PDK2: variants seen among roughly 807,000 people sequenced by gnomAD.
PDK2 encodes pyruvate dehydrogenase kinase, isozyme 2.
PDK2 carries 34 observed loss-of-function variants against 50.4 expected under a neutral mutation model. The observed-to-expected ratio is 0.68, with a 90% CI of 0.51 to 0.90. PDK2 has a LOEUF of 0.90. PDK2 is among the 40% of genes least tolerant of loss of function. PDK2 has a pLI of 0.00. For missense variants in PDK2, 377 were observed against 544.5 expected (o/e 0.69, Z 3.06); for synonymous variants, 232 against 216.0 (o/e 1.07, Z -0.65).
intron 2 of PDK2, among the ~76,000 whole-genome samples, chr17:50,104,028 C>A (rs1395457165): frequency 6.6e-6 from 1 of 152,180 alleles, no homozygotes; most frequent in Non-Finnish European, 1.5e-5. Context: ...CACTGCAGGG[C>A]TCTAGGTAGC....
chr17:50,110,286 A>AC lies in PDK2; in HGVS notation c.*193dup. On this transcript the variant is annotated 3_prime_UTR_variant, in exon 11 of 11. Transcript: ENST00000503176. ...TAAGTGCCAGTCCATCTCTGTGGAG[A>AC]CCCCTCGGTGGCCTCCCTATCTCTG... is the stretch of plus-strand genomic sequence containing the variant. The AC allele has an allele frequency of 4.0e-6, 2 of 505,250 alleles. No homozygotes were observed. Among genetic ancestry groups the AC allele is most frequent in the Non-Finnish European group, 6.4e-6 (2 of 313,568 alleles). The allele number at this position is 505,250 out of a possible 1,614,324, so 31.3% of individuals were successfully genotyped here.
chr17:50,106,786 G>T lies in PDK2; in HGVS notation c.518-8G>T. The T allele has an allele frequency of 6.2e-7, 1 of 1,613,434 alleles. No individual in the cohort carries two copies. The highest frequency in any genetic ancestry group is 8.5e-7 in the Non-Finnish European group (1 of 1,179,402). The stretch of plus-strand genomic sequence containing the variant: ...CCAGCCAACAGCATCCTCCCTTCCT[G>T]CCTGCAGCCCTCATCTTTGATGGCA... On this transcript the variant is annotated splice_polypyrimidine_tract_variant and splice_region_variant and intron_variant, in intron 4 of 10. Transcript: ENST00000503176.
chr17:50,109,896 G>A lies in PDK2; in HGVS notation c.1084-61G>A. 1 of 1,414,402 alleles carries A rather than the reference G, an allele frequency of 7.1e-7. No individual in the cohort carries two copies. The highest frequency in any genetic ancestry group is 2.7e-5 in the Admixed American group (1 of 37,600). The allele number at this position is 1,414,402 out of a possible 1,614,324, so 87.6% of individuals were successfully genotyped here. A position where few individuals can be genotyped will look rare whatever the true frequency, so the allele number is the denominator to read the frequency against. On this transcript the variant is annotated intron_variant, in intron 10 of 10. Coordinates refer to ENST00000503176, the MANE Select transcript of PDK2 (RefSeq NM_002611.5). The surrounding 1 kb of genome is among the most constrained non-coding windows in gnomAD (Gnocchi z 5.0). ...GCTGCCGCTGAGCTGGGGTGGGGTG[G>A]TCTGCTGAGGAGTGGACAAGGCACA...
At position 50,110,219 on chromosome 17, in the gene PDK2, T is replaced by A; in HGVS notation, c.*122T>A. On this transcript the variant is annotated 3_prime_UTR_variant, in exon 11 of 11. Transcript: ENST00000503176. ...GGTTCTCCCTGATGACCAGGTTCTG[T>A]CTCTATGGAAGTCACTGCGGTGATA... The A allele has an allele frequency of 8.9e-7, 1 of 1,125,166 alleles. No homozygotes were observed. Among genetic ancestry groups the A allele is most frequent in the Non-Finnish European group, 1.2e-6 (1 of 812,538 alleles). 69.7% of individuals were successfully genotyped at this position (1,125,166 alleles called of 1,614,324 possible). A position where few individuals can be genotyped will look rare whatever the true frequency, so the allele number is the denominator to read the frequency against.
chr17:50,096,520 A>C (rs547275083), intron 1 of PDK2, among the ~76,000 whole-genome samples: 17 of 152,062 alleles, frequency 1.1e-4, no homozygotes, highest in Non-Finnish European at 2.4e-4. Flanking sequence ...GTGGCAGCCG[A>C]GACATAAGGC....
intron 4 of PDK2, chr17:50,106,372 T>A: frequency 1.7e-6 from 1 of 575,962 alleles, no homozygotes; most frequent in Non-Finnish European, 2.7e-6. Context: ...TCAAAAACAA[T>A]TTGTTGTTTA....
At chr17:50,098,784 C>T (rs1431802280) in intron 2 of PDK2, 1 of 152,150 alleles carries the variant, frequency 6.6e-6, no homozygotes, top group Non-Finnish European at 1.5e-5. Context: ...GTAGTGGGTG[C>T]ACCATGAATG....
intron 2 of PDK2, chr17:50,097,838 C>T: frequency 2.7e-6 from 1 of 368,380 alleles, no homozygotes; most frequent in East Asian, 4.6e-5. Context: ...GCATGGTTTT[C>T]ACAGCCAAAA....
rs942675859 is a variant in PDK2 at position 50,095,828 on chromosome 17, T to G, written c.118+275T>G. The G allele has an allele frequency of 9.3e-6, 11 of 1,182,810 alleles. No homozygotes were observed. The Admixed American group carries it at 4.1e-4, about 44-fold the overall frequency. 73.3% of individuals were successfully genotyped at this position (1,182,810 alleles called of 1,614,324 possible). A position where few individuals can be genotyped will look rare whatever the true frequency, so the allele number is the denominator to read the frequency against. On this transcript the variant is annotated intron_variant, in intron 1 of 10. Transcript: ENST00000503176. ...CTTGAAGAGTAAGGGGCAGTGAAGC[T>G]GTGATGTTACTGCAGGAAGGGAGTA...
At chr17:50,099,115 G>A (rs1910091448) in intron 2 of PDK2, among the ~76,000 whole-genome samples, 1 of 152,056 alleles carries the variant, frequency 6.6e-6, no homozygotes, top group Non-Finnish European at 1.5e-5. Flanking sequence ...CAGGACCTCT[G>A]AGCCAACCAA....
Position 50,105,847 on chromosome 17 carries a change from TG to T in PDK2, c.333-33del, listed in dbSNP as rs561568241. The T allele has an allele frequency of 3.7e-5, 59 of 1,603,626 alleles. No homozygotes were observed. In the East Asian group the frequency reaches 1.1e-3, roughly 29 times the overall value. The stretch of plus-strand genomic sequence containing the variant: ...GGGGAGTCAGAAGCGGAGAAGAGTC[TG>T]GGGGTGTCCCATGTGAACATCTGCC... On this transcript the variant is annotated intron_variant, in intron 3 of 10. Coordinates refer to ENST00000503176, the MANE Select transcript of PDK2 (RefSeq NM_002611.5).
At position 50,109,881 on chromosome 17, in the gene PDK2, A is replaced by T; in HGVS notation, c.1084-76A>T. On this transcript the variant is annotated intron_variant, in intron 10 of 10. Transcript: ENST00000503176. This position sits in a 1 kb window ranked among gnomAD's most constrained non-coding sequence, Gnocchi z 5.0. Reference sequence around the variant, plus strand: ...GTGTCTGGCAGCTGGGCTGCCGCTGAGCTGGGGTGGGGTGGTCTGCTGAGG... The same window carrying T: ...GTGTCTGGCAGCTGGGCTGCCGCTGTGCTGGGGTGGGGTGGTCTGCTGAGG... 7.2e-7 allele frequency: 1 copy of T among 1,389,080 alleles called. No individual in the cohort carries two copies. Among genetic ancestry groups the T allele is most frequent in the Non-Finnish European group, 9.5e-7 (1 of 1,055,932 alleles). 86.0% of individuals were successfully genotyped at this position (1,389,080 alleles called of 1,614,324 possible).
intron 2 of PDK2, chr17:50,097,785 T>G: frequency 2.0e-6 from 1 of 503,048 alleles, no homozygotes; most frequent in Non-Finnish European, 3.6e-6. Context: ...GCCCTCTTCT[T>G]ACCACCCACC....
intron 1 of PDK2, among the ~76,000 whole-genome samples, chr17:50,097,107 G>A (rs1172565565): frequency 6.6e-6 from 1 of 152,180 alleles, no homozygotes; most frequent in Non-Finnish European, 1.5e-5. Context: ...TGAGTGTGCT[G>A]GGAGGGAAGG....
At position 50,108,234 on chromosome 17, in the gene PDK2, TGAG is replaced by T. The variant is rs778994110; in HGVS notation, c.762+7_762+9del. ...CACATGCTCTTTGAGCTCTTCAAGG[TGAG>T]GAGGCTGGGAGCCGGTGCTTTGCGG... On this transcript the variant is annotated splice_donor_5th_base_variant and intron_variant, in intron 7 of 10. Coordinates refer to ENST00000503176, the MANE Select transcript of PDK2 (RefSeq NM_002611.5). 2.5e-6 allele frequency: 4 copies of T among 1,599,158 alleles called. No individual in the cohort carries two copies. Among genetic ancestry groups the T allele is most frequent in the African/African-American group, 1.3e-5 (1 of 74,860 alleles).
intron 1 of PDK2, chr17:50,096,069 G>C: frequency 1.0e-6 from 1 of 964,816 alleles, no homozygotes; most frequent in South Asian, 4.7e-5. Context: ...AGTTGGGGAA[G>C]GGGGCTCTTT....
chr17:50,106,027 T>C lies in PDK2; in HGVS notation c.475T>C (p.Tyr159His). 1 of 1,609,030 alleles carries C rather than the reference T, an allele frequency of 6.2e-7. No homozygotes were observed. Among genetic ancestry groups the C allele is most frequent in the Non-Finnish European group, 8.5e-7 (1 of 1,177,874 alleles). The change falls in exon 4 of 11, where the codon TAC becomes CAC. Residue 159 changes from tyrosine to histidine, a missense_variant. Physicochemically the swap from Tyr to His is moderately conservative, Grantham distance 83 (BLOSUM62 2). Around this residue, in one of 3 missense-constraint regions of PDK2, gnomAD observed 63 missense variants for 135.1 expected, o/e 0.47. Coordinates refer to ENST00000503176, the MANE Select transcript of PDK2 (RefSeq NM_002611.5). ...QNIQYFLDRF[Y>H]LSRISIRMLI... Reference sequence around the variant, plus strand: ...CATCCAGTACTTCCTGGACCGCTTCTACCTCAGCCGCATCTCCATCCGCAT... The same window carrying C: ...CATCCAGTACTTCCTGGACCGCTTCCACCTCAGCCGCATCTCCATCCGCAT...
At chr17:50,108,496 C>A in intron 8 of PDK2, 79 bp downstream of exon 8, 1 of 1,405,058 alleles carries the variant, frequency 7.1e-7, no homozygotes, top group Non-Finnish European at 1.0e-6. Flanking sequence ...CTTTCCTTTT[C>A]TCCTACATGG....
intron 2 of PDK2, among the ~76,000 whole-genome samples, chr17:50,104,997 C>G (rs1431568329): frequency 3.3e-5 from 5 of 152,200 alleles, no homozygotes; most frequent in Admixed American, 6.5e-5. Context: ...GTTGATGCAC[C>G]TCCCTGCCTT....
Sources: allele counts gnomAD v4.1 joint callset (sites outside exome capture counted in the v4.1 genomes callset), GRCh38; gene constraint gnomAD v4.1.1; regional missense constraint gnomAD v4.1.1; non-coding constraint Gnocchi (gnomAD v3.1); transcripts MANE v1.5; gene names NCBI Gene and HGNC (gene_info 2026-07-23, HGNC 2026-07-21).